The following SULF1 variants were observed in gnomAD, a reference collection of about 807,000 sequenced individuals.
SULF1 encodes sulfatase 1, also known as extracellular sulfatase Sulf-1.
In SULF1, 46 loss-of-function variants were observed where a neutral mutation model predicts 110.5. The ratio of observed to expected loss-of-function variants is 0.42; its 90% CI spans 0.33 to 0.53. The LOEUF is 0.53. SULF1 is among the 20% of genes least tolerant of loss of function. The pLI, the probability that SULF1 is intolerant of heterozygous loss-of-function variation, is 0.12. For missense variants in SULF1, 941 were observed against 1,094.2 expected (o/e 0.86, Z 1.98); for synonymous variants, 371 against 387.1 (o/e 0.96, Z 0.49).
rs1399213888 is a variant in SULF1, at chr8:69,627,871, G to A, written c.2042+5G>A. ...ATGTAGCTGCAGTAAACAAAGGTGA[G>A]CTTGTTTCCATCCATGCTCCACTTT... On this transcript the variant is annotated splice_donor_5th_base_variant and intron_variant, in intron 17 of 22. Coordinates refer to ENST00000402687, the MANE Select transcript of SULF1 (RefSeq NM_001128205.2). The A allele has an allele frequency of 2.5e-6, 4 of 1,606,830 alleles. No individual in the cohort carries two copies. Among genetic ancestry groups the A allele is most frequent in the Non-Finnish European group, 3.4e-6 (4 of 1,175,008 alleles).
intron 3 of SULF1, among the ~76,000 whole-genome samples, chr8:69,516,869 C>G (rs1327651573): frequency 6.6e-6 from 1 of 151,982 alleles, no homozygotes; most frequent in Non-Finnish European, 1.5e-5. Flanking sequence ...AAAACAAATA[C>G]CTTAACAAGC....
At chr8:69,632,807 C>T (rs60773164) in intron 19 of SULF1, among the ~76,000 whole-genome samples, 2,446 of 152,166 alleles carry the variant, frequency 0.016, 64 homozygotes, top group African/African-American at 0.056. Flanking sequence ...AGAGGATCAG[C>T]TGAGCCCAGG....
At chr8:69,634,765 G>C (rs1294308696) in intron 19 of SULF1, among the ~76,000 whole-genome samples, 4 of 152,070 alleles carry the variant, frequency 2.6e-5, no homozygotes, top group Non-Finnish European at 5.9e-5. Flanking sequence ...GAGAGAGGCG[G>C]AGAGAATAAA....
chr8:69,489,537 G>A (rs1809833614), upstream of SULF1, among the ~76,000 whole-genome samples: 1 of 149,298 alleles, frequency 6.7e-6, no homozygotes, highest in African/African-American at 2.5e-5. Flanking sequence ...TTGCCACTGT[G>A]GCTGTTTTCT....
intron 6 of SULF1, among the ~76,000 whole-genome samples, chr8:69,583,551 G>A (rs1351130440): frequency 6.6e-6 from 1 of 152,152 alleles, no homozygotes; most frequent in African/African-American, 2.4e-5. Context: ...TCTAGCCTGG[G>A]CAACAGGGTA....
intron 21 of SULF1, among the ~76,000 whole-genome samples, 191 bp from the exon 22 acceptor site, chr8:69,640,617 C>T (rs1811406119): frequency 6.6e-6 from 1 of 151,898 alleles, no homozygotes; most frequent in Non-Finnish European, 1.5e-5. Context: ...TTATCTTAAA[C>T]CTTTTCATTC....
intron 13 of SULF1, among the ~76,000 whole-genome samples, chr8:69,606,871 G>A (rs956201897): frequency 8.5e-5 from 13 of 152,198 alleles, no homozygotes; most frequent in Admixed American, 2.0e-4. Context: ...ATATGAGAAC[G>A]TCAGCAATGG....
chr8:69,553,806 C>T (rs1164140591), intron 3 of SULF1, among the ~76,000 whole-genome samples: 1 of 152,158 alleles, frequency 6.6e-6, no homozygotes, highest in Non-Finnish European at 1.5e-5. Context: ...AATTAATAAA[C>T]ATCATCTATC....
chr8:69,654,400 G>A (rs904178831), intron 22 of SULF1, among the ~76,000 whole-genome samples: 27 of 152,174 alleles, frequency 1.8e-4, no homozygotes, highest in African/African-American at 6.5e-4. Context: ...CATTCAAATA[G>A]AGTAAGTTTA....
In SULF1 at chr8:69,660,746, A is replaced by G. The variant is rs1418281982; in HGVS notation, c.*2211A>G. On this transcript the variant is annotated 3_prime_UTR_variant, in exon 23 of 23. Transcript: ENST00000402687. The stretch of plus-strand genomic sequence containing the variant: ...TCATCGGTGGGATGACAGAACAAAC[A>G]TATTTATGATCATGAATAATGTGCT... 6.6e-6 allele frequency: 1 copy of G among 152,652 alleles called. No homozygotes were observed. Among genetic ancestry groups the G allele is most frequent in the Non-Finnish European group, 1.5e-5 (1 of 68,044 alleles). 9.5% of individuals were successfully genotyped at this position (152,652 alleles called of 1,614,324 possible).
At chr8:69,616,132 A>T (rs1167640632) in intron 13 of SULF1, among the ~76,000 whole-genome samples, 1 of 136,792 alleles carries the variant, frequency 7.3e-6, no homozygotes, top group Middle Eastern at 3.4e-3. Context: ...TAATGTGTAT[A>T]TATATACACA....
intron 8 of SULF1, among the ~76,000 whole-genome samples, chr8:69,600,010 A>G (rs1002778952): frequency 2.0e-4 from 30 of 152,196 alleles, no homozygotes; most frequent in African/African-American, 7.2e-4. Flanking sequence ...ATTGGTAAAC[A>G]TGTATATTGC....
chr8:69,544,986 G>A (rs1249263539), intron 3 of SULF1, among the ~76,000 whole-genome samples: 1 of 151,910 alleles, frequency 6.6e-6, no homozygotes, highest in Non-Finnish European at 1.5e-5. Context: ...AAGATTCTAG[G>A]CTTTTCATTG....
chr8:69,626,581 G>A (rs1810058666), intron 15 of SULF1, among the ~76,000 whole-genome samples: 1 of 152,370 alleles, frequency 6.6e-6, no homozygotes, highest in South Asian at 2.1e-4. Flanking sequence ...CCCATGGAGT[G>A]GGTGGGAGGC....
intron 3 of SULF1, among the ~76,000 whole-genome samples, chr8:69,544,122 T>A (rs1814062289): frequency 6.6e-6 from 1 of 152,246 alleles, no homozygotes; most frequent in African/African-American, 2.4e-5. Flanking sequence ...AGTTTATTAA[T>A]AACTTTAGAG....
At chr8:69,504,426 G>T (rs968136868) in intron 3 of SULF1, among the ~76,000 whole-genome samples, 1 of 151,974 alleles carries the variant, frequency 6.6e-6, no homozygotes, top group Non-Finnish European at 1.5e-5. Context: ...GTGGTGGTGC[G>T]CGCCTGTAAT....
intron 22 of SULF1, chr8:69,642,319 A>G: frequency 2.0e-6 from 2 of 987,344 alleles, no homozygotes; most frequent in Non-Finnish European, 2.4e-6. Context: ...TAGTCCACCA[A>G]GAAGCCAAAT....
intron 3 of SULF1, among the ~76,000 whole-genome samples, chr8:69,519,345 A>G (rs1459746720): frequency 3.9e-5 from 6 of 152,216 alleles, no homozygotes; most frequent in Non-Finnish European, 8.8e-5. Flanking sequence ...AGAATAATTG[A>G]CCATTGTTAA....
chr8:69,538,310 G>C (rs1315878526), intron 3 of SULF1, among the ~76,000 whole-genome samples: 1 of 130,878 alleles, frequency 7.6e-6, no homozygotes, highest in African/African-American at 3.0e-5. Flanking sequence ...CTCTTGCTCA[G>C]ACACATGCTT....
Sources: allele counts gnomAD v4.1 joint callset (sites outside exome capture counted in the v4.1 genomes callset), GRCh38; gene constraint gnomAD v4.1.1; transcripts MANE v1.5; gene names NCBI Gene and HGNC (gene_info 2026-07-23, HGNC 2026-07-21).